Variants in PRMT8 observed in about 807,000 individuals in gnomAD.
PRMT8 encodes protein arginine N-methyltransferase 8.
A neutral mutation model predicts 47.1 loss-of-function variants in PRMT8; 7 were observed. That is an observed-to-expected ratio of 0.15 (90% CI 0.08 to 0.28). The LOEUF (loss-of-function observed/expected upper bound fraction) is 0.28. Ranked by LOEUF, PRMT8 falls within the 10% of genes least tolerant of loss-of-function variation. PRMT8 has a pLI of 1.00. For synonymous variants in PRMT8, 188 were observed against 186.5 expected, an observed-to-expected ratio of 1.01 and a Z score of -0.07; for missense variants, 237 against 505.4, an observed-to-expected ratio of 0.47 and a Z score of 5.09.
intron 1 of PRMT8, among the ~76,000 whole-genome samples, chr12:3,463,893 C>A (rs1471949582): frequency 6.6e-6 from 1 of 152,212 alleles, no homozygotes; most frequent in Admixed American, 6.5e-5. Flanking sequence ...TCACCTACAG[C>A]ATTTGTAAGC....
At chr12:3,498,124 G>T (rs1026793329) in intron 1 of PRMT8, among the ~76,000 whole-genome samples, 2 of 152,182 alleles carry the variant, frequency 1.3e-5, no homozygotes, top group African/African-American at 2.4e-5. Flanking sequence ...AACTTAAAAT[G>T]CTCGCTTATT....
chr12:3,536,607 A>G (rs1866122886), intron 1 of PRMT8, among the ~76,000 whole-genome samples: 1 of 152,166 alleles, frequency 6.6e-6, no homozygotes, highest in Admixed American at 6.5e-5. Context: ...CTTCATGCAC[A>G]CAGCCTTCTT....
chr12:3,579,568 C>T (rs1028823909), intron 7 of PRMT8, among the ~76,000 whole-genome samples: 22 of 152,144 alleles, frequency 1.4e-4, no homozygotes, highest in African/African-American at 4.6e-4. Flanking sequence ...CCCTTTCTTC[C>T]TCTGTGTTCC....
At chr12:3,542,553 G>GTACC (rs1179908658) in intron 2 of PRMT8, among the ~76,000 whole-genome samples, 3 of 152,196 alleles carry the variant, frequency 2.0e-5, no homozygotes, top group Non-Finnish European at 4.4e-5. Context: ...GTGGCTCTGG[G>GTACC]TACCCATTTC....
At chr12:3,454,257 G>A (rs1478088615) in intron 1 of PRMT8, among the ~76,000 whole-genome samples, 1 of 152,164 alleles carries the variant, frequency 6.6e-6, no homozygotes, top group African/African-American at 2.4e-5. Flanking sequence ...CTCCCTGACG[G>A]GGAGCCTGCG....
chr12:3,494,837 C>A (rs748086460), intron 1 of PRMT8, among the ~76,000 whole-genome samples: 2 of 152,174 alleles, frequency 1.3e-5, no homozygotes, highest in Non-Finnish European at 2.9e-5. Flanking sequence ...GACCTCAGTT[C>A]CCTTCTCTGT....
At chr12:3,586,121 C>T (rs1867167282) in intron 8 of PRMT8, among the ~76,000 whole-genome samples, 1 of 152,150 alleles carries the variant, frequency 6.6e-6, no homozygotes, top group Non-Finnish European at 1.5e-5. Context: ...TTGAGATGAT[C>T]TATTAATATT....
At chr12:3,472,061 G>C (rs1409475445) in intron 1 of PRMT8, among the ~76,000 whole-genome samples, 1 of 152,188 alleles carries the variant, frequency 6.6e-6, no homozygotes, top group Admixed American at 6.5e-5. Flanking sequence ...CTTCTACAGA[G>C]TGCGTGGGCG....
At chr12:3,479,876 C>T (rs559240201) in intron 1 of PRMT8, among the ~76,000 whole-genome samples, 1 of 151,870 alleles carries the variant, frequency 6.6e-6, no homozygotes, top group South Asian at 2.1e-4. Context: ...ATGCATCAGG[C>T]ACTATATACC....
Position 3,453,092 on chromosome 12 carries a change from G to A in PRMT8, c.48+71650G>A, listed in dbSNP as rs2137081686. On this transcript the variant is annotated intron_variant, in intron 1 of 9. Transcript: ENST00000452611. The surrounding 1 kb of genome is among the most constrained non-coding windows in gnomAD (Gnocchi z 4.9). ...GGAGATGAAATGAGGGATGCACAGAGGACACTGCACGGGGAATCAGGTAGG... is the reference window on the plus strand; with the variant it reads ...GGAGATGAAATGAGGGATGCACAGAAGACACTGCACGGGGAATCAGGTAGG... 6.6e-6 allele frequency among the ~76,000 whole-genome samples: 1 copy of A among 152,308 alleles called. No homozygotes were observed. Among genetic ancestry groups the A allele is most frequent in the South Asian group, 2.1e-4 (1 of 4,834 alleles).
intron 2 of PRMT8, among the ~76,000 whole-genome samples, chr12:3,542,021 A>T (rs1866240651): frequency 6.6e-6 from 1 of 152,012 alleles, no homozygotes; most frequent in Admixed American, 6.5e-5. Flanking sequence ...CCTAACCATC[A>T]TGCCATACAG....
At chr12:3,485,904 G>A (rs1257686124) in intron 1 of PRMT8, among the ~76,000 whole-genome samples, 1 of 152,200 alleles carries the variant, frequency 6.6e-6, no homozygotes, top group African/African-American at 2.4e-5. Flanking sequence ...AAAGGGATCA[G>A]AATGGTTACA....
intron 1 of PRMT8, among the ~76,000 whole-genome samples, chr12:3,386,233 A>G (rs559606095): frequency 1.3e-5 from 2 of 152,340 alleles, no homozygotes; most frequent in East Asian, 1.9e-4. Context: ...AATAATGCTC[A>G]TGGAACAAAA....
intron 1 of PRMT8, among the ~76,000 whole-genome samples, chr12:3,432,185 G>A (rs111883287): frequency 0.019 from 2,882 of 152,312 alleles, 92 homozygotes; most frequent in African/African-American, 0.065. Context: ...TGATGGTGAT[G>A]GCAGGGAGAA....
chr12:3,433,910 C>G (rs925907700), intron 1 of PRMT8, among the ~76,000 whole-genome samples: 2 of 152,122 alleles, frequency 1.3e-5, no homozygotes, highest in African/African-American at 4.8e-5. Context: ...AGCCTAGTGA[C>G]AAGATTTTTA....
intron 1 of PRMT8, among the ~76,000 whole-genome samples, chr12:3,415,714 T>C (rs1480696872): frequency 6.6e-6 from 1 of 152,104 alleles, no homozygotes; most frequent in Non-Finnish European, 1.5e-5. Flanking sequence ...GATTGCAAAA[T>C]AACATCCAAG....
chr12:3,469,753 G>T (rs187853961), intron 1 of PRMT8, among the ~76,000 whole-genome samples: 3 of 152,286 alleles, frequency 2.0e-5, no homozygotes, highest in Admixed American at 6.5e-5. Flanking sequence ...AAGAAGAAGG[G>T]CCTCAGGATC....
chr12:3,400,558 A>G (rs911468575), intron 1 of PRMT8, among the ~76,000 whole-genome samples: 6 of 152,210 alleles, frequency 3.9e-5, no homozygotes, highest in African/African-American at 1.2e-4. Flanking sequence ...AGAGGGATTC[A>G]CAGCTGAATT....
intron 1 of PRMT8, among the ~76,000 whole-genome samples, chr12:3,496,472 G>A (rs1865512647): frequency 1.3e-5 from 2 of 151,602 alleles, no homozygotes; most frequent in Admixed American, 1.3e-4. Context: ...TGAGGAAGAG[G>A]AGGAACCAGG....
Sources: gnomAD v4.1 joint callset for allele counts (sites outside exome capture counted in the v4.1 genomes callset) on GRCh38, gnomAD v4.1.1 for gene constraint, Gnocchi (gnomAD v3.1) non-coding constraint, MANE v1.5 for transcripts, NCBI Gene and HGNC (gene_info 2026-07-23, HGNC 2026-07-21) for gene names.